AKAP9: variants seen among roughly 807,000 people sequenced by gnomAD.
AKAP9 encodes A-kinase anchor protein 9.
A neutral mutation model predicts 488.5 loss-of-function variants in AKAP9; 311 were observed. The ratio of observed to expected loss-of-function variants is 0.64; its 90% CI spans 0.58 to 0.70. The LOEUF (loss-of-function observed/expected upper bound fraction) is 0.70, where lower values mean the gene tolerates loss of function less well. Ranked by LOEUF, AKAP9 falls within the 30% of genes least tolerant of loss-of-function variation. AKAP9 has a pLI of 0.00. For missense variants in AKAP9, 4,215 were observed against 4,374.5 expected (o/e 0.96, Z 1.03); for synonymous variants, 1,462 against 1,483.5 (o/e 0.99, Z 0.33).
chr7:91,965,212 T>A (rs1318435938), intron 1 of AKAP9, among the ~76,000 whole-genome samples: 1 of 152,156 alleles, frequency 6.6e-6, no homozygotes, highest in Non-Finnish European at 1.5e-5. Flanking sequence ...CTCTTCCCAG[T>A]CTCTGGTAAC....
chr7:92,022,788 AT>A (rs770170681), intron 13 of AKAP9, 25 bp from the exon 14 acceptor site: 7 of 1,450,692 alleles, frequency 4.8e-6, no homozygotes, highest in Non-Finnish European at 5.8e-6. Flanking sequence ...TGAAATGTGC[AT>A]TTTTTGTCTC....
chr7:92,079,287 A>C lies in AKAP9; in HGVS notation c.7154A>C (p.Lys2385Thr). Residue 2385 changes from lysine (K) to threonine (T), a missense_variant, in exon 31 of 50, where the codon AAA becomes ACA. By Grantham distance (78) the Lys-to-Thr change is moderately conservative. Transcript: ENST00000356239. Reference protein sequence around the residue: ...HSLSEEADSLKHQLDVVIAEK... With the variant: ...HSLSEEADSLTHQLDVVIAEK... The stretch of plus-strand genomic sequence containing the variant: ...CTCTCAGAAGAAGCAGACAGTTTAA[A>C]ACATCAATTGGATGTGGTTATAGCT... 6.2e-7 allele frequency: 1 copy of C among 1,614,122 alleles called. No individual in the cohort carries two copies. Among genetic ancestry groups the C allele is most frequent in the East Asian group, 2.2e-5 (1 of 44,858 alleles).
intron 16 of AKAP9, among the ~76,000 whole-genome samples, chr7:92,035,406 G>T (rs755511683): frequency 6.6e-6 from 1 of 152,148 alleles, no homozygotes. Flanking sequence ...CTTGAAAAGA[G>T]TATGTGTTTT....
Position 92,079,196 on chromosome 7 carries a change from G to C in AKAP9, c.7063G>C (p.Val2355Leu), listed in dbSNP as rs201039444. The C allele has an allele frequency of 1.2e-6, 2 of 1,614,030 alleles. No individual in the cohort carries two copies. Among genetic ancestry groups the C allele is most frequent in the African/African-American group, 2.7e-5 (2 of 75,048 alleles). ...REEEIEQLNEVIEKLQQELAN... is the reference protein window; with the variant it reads ...REEEIEQLNELIEKLQQELAN... ...AGAAGAAATAGAGCAGCTCAATGAA[G>C]TGATTGAAAAACTTCAACAGGAATT... Residue 2355 changes from valine to leucine, a missense_variant, in exon 31 of 50, where the codon GTG (valine) becomes CTG (leucine). This residue lies in a region of AKAP9 where 1,476 missense variants were observed against 1,477.4 expected (regional missense o/e 1.00). Coordinates refer to ENST00000356239, the MANE Select transcript of AKAP9 (RefSeq NM_005751.5).
In AKAP9 at chr7:92,040,768, G is replaced by T. The variant is rs755498039; in HGVS notation, c.4787G>T (p.Arg1596Leu). The change falls in exon 18 of 50, where the codon CGA becomes CTA. Residue 1596 changes from arginine (R) to leucine (L), a missense_variant. By Grantham distance (102) the Arg-to-Leu change is moderately radical (BLOSUM62 -2). This residue lies in a region of AKAP9 where 2,361 missense variants were observed against 2,430.0 expected (regional missense o/e 0.97). Coordinates refer to ENST00000356239, the MANE Select transcript of AKAP9 (RefSeq NM_005751.5). ...QLEDMRQELVRQYQEHQQATE... is the reference protein window; with the variant it reads ...QLEDMRQELVLQYQEHQQATE... Reference sequence around the variant, plus strand: ...GAAGATATGAGACAGGAACTTGTACGACAATACCAAGAACATCAACAGGCA... The same window carrying T: ...GAAGATATGAGACAGGAACTTGTACTACAATACCAAGAACATCAACAGGCA... 4 of 1,613,352 alleles carry T rather than the reference G, an allele frequency of 2.5e-6. No homozygotes were observed. The highest frequency in any genetic ancestry group is 3.4e-6 in the Non-Finnish European group (4 of 1,179,902).
chr7:92,063,332 A>AT (rs1359395182), intron 24 of AKAP9: 1 of 281,412 alleles, frequency 3.6e-6, no homozygotes, highest in Non-Finnish European at 5.4e-6. Context: ...GTTACCAGTG[A>AT]TAATCAGTGT....
chr7:92,100,623 T>C, intron 44 of AKAP9, among the ~76,000 whole-genome samples: 1 of 152,222 alleles, frequency 6.6e-6, no homozygotes, highest in East Asian at 1.9e-4. Flanking sequence ...CTGCTAAACC[T>C]TCCCTGTGGC....
chr7:91,965,607 A>G (rs1794342445), intron 1 of AKAP9, among the ~76,000 whole-genome samples: 1 of 152,156 alleles, frequency 6.6e-6, no homozygotes, highest in Non-Finnish European at 1.5e-5. Flanking sequence ...GAAATCCTCC[A>G]TACAGTTTTC....
chr7:91,984,215 C>T (rs928183462), intron 3 of AKAP9, among the ~76,000 whole-genome samples: 73 of 151,876 alleles, frequency 4.8e-4, no homozygotes, highest in Non-Finnish European at 8.8e-4. Flanking sequence ...CCATGCCTGA[C>T]CTAAAGGTTA....
chr7:92,029,190 GA>G (rs1324222260), intron 14 of AKAP9, among the ~76,000 whole-genome samples: 4 of 147,032 alleles, frequency 2.7e-5, no homozygotes, highest in Admixed American at 6.8e-5. Context: ...AGCGTTTTAA[GA>G]AAAAAAAAAT....
At position 92,001,483 on chromosome 7, in the gene AKAP9, A is replaced by C. The variant is rs777137170; in HGVS notation, c.1566A>C (p.Glu522Asp). 1 of 1,613,916 alleles carries C rather than the reference A, an allele frequency of 6.2e-7. No homozygotes were observed. Reference sequence around the variant, plus strand: ...AAGAACTAGGACTAATTTTAGAAGAAAAGTGTGCTCTACAGAGACAGCTTG... The same window carrying C: ...AAGAACTAGGACTAATTTTAGAAGACAAGTGTGCTCTACAGAGACAGCTTG... ...LKEELGLILEEKCALQRQLED... is the reference protein window; with the variant it reads ...LKEELGLILEDKCALQRQLED... The change falls in exon 8 of 50, where the codon GAA becomes GAC. Residue 522 changes from glutamate (E) to aspartate (D), a missense_variant. Around this residue, in one of 5 missense-constraint regions of AKAP9, gnomAD observed 2,361 missense variants for 2,430.0 expected, o/e 0.97. Coordinates refer to ENST00000356239, the MANE Select transcript of AKAP9 (RefSeq NM_005751.5).
Position 92,022,004 on chromosome 7 carries a change from C to T in AKAP9, c.3838-234C>T, listed in dbSNP as rs532028559. Among the ~76,000 whole-genome samples, 4 of 152,216 alleles carry T rather than the reference C, an allele frequency of 2.6e-5. No individual in the cohort carries two copies. In the East Asian group the frequency reaches 7.7e-4, roughly 29 times the overall value. On this transcript the variant is annotated intron_variant, in intron 12 of 49. Coordinates refer to ENST00000356239, the MANE Select transcript of AKAP9 (RefSeq NM_005751.5). ...TTTTGTAGTAAAATGAACTTCCTTTCAGATATCAAAGAACATTACTAATAT... is the reference window on the plus strand; with the variant it reads ...TTTTGTAGTAAAATGAACTTCCTTTTAGATATCAAAGAACATTACTAATAT...
At chr7:91,943,965 G>C (rs1584506929) in intron 1 of AKAP9, among the ~76,000 whole-genome samples, 1 of 152,098 alleles carries the variant, frequency 6.6e-6, no homozygotes, top group South Asian at 2.1e-4. Context: ...ATCTTTTTGG[G>C]GGTAATTTAT....
chr7:92,026,027 A>G (rs1475686742), intron 14 of AKAP9, among the ~76,000 whole-genome samples: 1 of 152,234 alleles, frequency 6.6e-6, no homozygotes, highest in Non-Finnish European at 1.5e-5. Flanking sequence ...TAGAGTAATA[A>G]CAGCAAAATG....
chr7:92,064,830 A>C (rs761246523), intron 24 of AKAP9, among the ~76,000 whole-genome samples: 19 of 152,052 alleles, frequency 1.2e-4, no homozygotes, highest in Non-Finnish European at 2.8e-4. Context: ...AATTGACTTT[A>C]TGGGTTTGGA....
intron 1 of AKAP9, among the ~76,000 whole-genome samples, chr7:91,955,435 T>C (rs1792864132): frequency 6.6e-6 from 1 of 152,158 alleles, no homozygotes; most frequent in South Asian, 2.1e-4. Context: ...TTGAGGTACC[T>C]ATAGTTCTAA....
intron 21 of AKAP9, among the ~76,000 whole-genome samples, chr7:92,048,151 G>A (rs1339460177): frequency 6.6e-6 from 1 of 152,010 alleles, no homozygotes; most frequent in African/African-American, 2.4e-5. Flanking sequence ...TTTTAAAAAT[G>A]AAAAACTTTT....
intron 22 of AKAP9, among the ~76,000 whole-genome samples, chr7:92,060,031 T>C (rs1285379544): frequency 6.6e-6 from 1 of 151,930 alleles, no homozygotes; most frequent in African/African-American, 2.4e-5. Flanking sequence ...AAATATCCTA[T>C]TAAAACAAGA....
In AKAP9 at chr7:91,994,646, A is replaced by G. The variant is rs566026093; in HGVS notation, c.602A>G (p.Lys201Arg). 37 of 1,613,156 alleles carry G rather than the reference A, an allele frequency of 2.3e-5. No individual in the cohort carries two copies. In the South Asian group the frequency reaches 4.0e-4, roughly 17 times the overall value. ...TTACAAGAATTTGAAGCTGCCATTA[A>G]ACAAAGAGATGGCATTATAACCCAG... is the stretch of plus-strand genomic sequence containing the variant. ...QQLQEFEAAI[K>R]QRDGIITQLT... The change falls in exon 6 of 50, where the codon AAA becomes AGA. Residue 201 changes from lysine to arginine, a missense_variant. Around this residue, in one of 5 missense-constraint regions of AKAP9, gnomAD observed 2,361 missense variants for 2,430.0 expected, o/e 0.97. Transcript: ENST00000356239.
Sources: gnomAD v4.1 joint callset for allele counts (sites outside exome capture counted in the v4.1 genomes callset) on GRCh38, gnomAD v4.1.1 for gene constraint, gnomAD v4.1.1 regional missense constraint, MANE v1.5 for transcripts, NCBI Gene and HGNC (gene_info 2026-07-23, HGNC 2026-07-21) for gene names.